Variants in BMPR2 observed in about 807,000 individuals in gnomAD.
BMPR2 encodes the protein bone morphogenetic protein receptor type-2.
Under a neutral mutation model 100.8 loss-of-function variants are expected in BMPR2, and 29 were observed. That is an observed-to-expected ratio of 0.29 (90% CI 0.21 to 0.39). The LOEUF (loss-of-function observed/expected upper bound fraction) is 0.39, where lower values mean the gene tolerates loss of function less well. BMPR2 is among the 10% of genes least tolerant of loss of function. The probability of loss-of-function intolerance (pLI) is 1.00; values close to 1 mark genes in which losing one functional copy is unlikely to be tolerated. For synonymous variants in BMPR2, 382 were observed against 442.3 expected, an observed-to-expected ratio of 0.86 and a Z score of 1.71; for missense variants, 1,011 against 1,274.5, an observed-to-expected ratio of 0.79 and a Z score of 3.15.
intron 1 of BMPR2, among the ~76,000 whole-genome samples, chr2:202,402,375 G>A (rs993458900): frequency 6.6e-6 from 1 of 151,996 alleles, no homozygotes; most frequent in South Asian, 2.1e-4. Context: ...AAAGTTAGCC[G>A]GGTGTGGTGG....
intron 3 of BMPR2, among the ~76,000 whole-genome samples, chr2:202,507,382 G>A (rs965746667): frequency 1.3e-5 from 2 of 152,108 alleles, no homozygotes; most frequent in African/African-American, 4.8e-5. Context: ...AAGCAGAAGT[G>A]GGAGTCACTT....
intron 1 of BMPR2, among the ~76,000 whole-genome samples, chr2:202,461,184 C>T (rs1233816339): frequency 1.3e-5 from 2 of 151,568 alleles, no homozygotes; most frequent in African/African-American, 4.8e-5. Flanking sequence ...TTATCAAAAA[C>T]ACATATAATA....
rs1249226280 is a variant in BMPR2 at position 202,560,489 on chromosome 2, G to C, written c.*543G>C. 1 of 159,770 alleles carries C rather than the reference G, an allele frequency of 6.3e-6. No individual in the cohort carries two copies. Among genetic ancestry groups the C allele is most frequent in the East Asian group, 1.8e-4 (1 of 5,440 alleles). The allele number at this position is 159,770 out of a possible 1,614,324, so 9.9% of individuals were successfully genotyped here. A position where few individuals can be genotyped will look rare whatever the true frequency, so the allele number is the denominator to read the frequency against. The stretch of plus-strand genomic sequence containing the variant: ...TTATAGGCCACAAATAAGCTTTCTT[G>C]TAAGCTCTCTTCCTAACAGGGCACA... On this transcript the variant is annotated 3_prime_UTR_variant, in exon 13 of 13. Transcript: ENST00000374580.
In BMPR2 at chr2:202,552,787, G is replaced by A; in HGVS notation, c.1485G>A (p.Gln495=). ...ATGCAGAGGCTCGGCTTACTGCACAGTGTGCTGAGGAAAGGATGGCTGAAC... is the reference window on the plus strand; with the variant it reads ...ATGCAGAGGCTCGGCTTACTGCACAATGTGCTGAGGAAAGGATGGCTGAAC... ...DQDAEARLTA[Q]CAEERMAELM... The change falls in exon 11 of 13, where the codon CAG becomes CAA. Residue 495 remains glutamine (Q), a synonymous_variant. Coordinates refer to ENST00000374580, the MANE Select transcript of BMPR2 (RefSeq NM_001204.7). 1 of 1,614,150 alleles carries A rather than the reference G, an allele frequency of 6.2e-7. No homozygotes were observed. The highest frequency in any genetic ancestry group is 1.6e-4 in the Middle Eastern group (1 of 6,062).
At chr2:202,440,021 G>A (rs1254522251) in intron 1 of BMPR2, among the ~76,000 whole-genome samples, 2 of 150,490 alleles carry the variant, frequency 1.3e-5, no homozygotes, top group Middle Eastern at 3.4e-3. Flanking sequence ...ATGTTTCAGA[G>A]AGCAGCGGGT....
intron 3 of BMPR2, among the ~76,000 whole-genome samples, chr2:202,476,287 G>A (rs1692550548): frequency 6.6e-6 from 1 of 151,926 alleles, no homozygotes; most frequent in Non-Finnish European, 1.5e-5. Context: ...TGCCTTAACT[G>A]TGTCTCATTT....
chr2:202,452,568 A>G (rs960123583), intron 1 of BMPR2, among the ~76,000 whole-genome samples: 3 of 152,188 alleles, frequency 2.0e-5, no homozygotes, highest in African/African-American at 7.2e-5. Flanking sequence ...GGATCACTTG[A>G]GCCCAGGAGT....
Position 202,538,261 on chromosome 2 carries a change from C to T in BMPR2, c.1277-4050C>T, listed in dbSNP as rs1256263464. Among the ~76,000 whole-genome samples the T allele has an allele frequency of 7.2e-5, 11 of 151,770 alleles. No homozygotes were observed. The East Asian group carries it at 1.7e-3, about 24-fold the overall frequency. ...TTGAGGTCAGGAGTTCGAAACCAGC[C>T]GGGCCAACATGGTGAAAGCCTATCT... is the stretch of plus-strand genomic sequence containing the variant. On this transcript the variant is annotated intron_variant, in intron 9 of 12. Transcript: ENST00000374580.
intron 1 of BMPR2, among the ~76,000 whole-genome samples, chr2:202,388,905 C>T (rs1355368421): frequency 6.6e-6 from 1 of 151,804 alleles, no homozygotes; most frequent in Non-Finnish European, 1.5e-5. Context: ...AATTCAGTAA[C>T]TGACATTCTT....
intron 4 of BMPR2, 62 bp from the exon 5 acceptor site, chr2:202,514,826 G>A: frequency 2.3e-6 from 3 of 1,305,136 alleles, no homozygotes; most frequent in Non-Finnish European, 3.3e-6. Context: ...ATTATAAAAA[G>A]TGTAAAAAGA....
chr2:202,381,538 A>C (rs999433049), intron 1 of BMPR2, among the ~76,000 whole-genome samples: 1 of 152,200 alleles, frequency 6.6e-6, no homozygotes, highest in African/African-American at 2.4e-5. Context: ...TCATATGGCT[A>C]GGCTAAGCTC....
intron 1 of BMPR2, among the ~76,000 whole-genome samples, chr2:202,423,641 G>T (rs1046405243): frequency 6.6e-6 from 1 of 152,176 alleles, no homozygotes; most frequent in East Asian, 1.9e-4. Context: ...TGTGGTCCCA[G>T]CTACTCAGGA....
At chr2:202,531,047 A>C in intron 8 of BMPR2, 93 bp downstream of exon 8, 1 of 1,478,524 alleles carries the variant, frequency 6.8e-7, no homozygotes, top group Non-Finnish European at 9.3e-7. Flanking sequence ...TCACGCCTGT[A>C]ATCCCAGCAC....
In BMPR2 at chr2:202,460,887, A is replaced by G. The variant is rs771461128; in HGVS notation, c.77-3922A>G. On this transcript the variant is annotated intron_variant, in intron 1 of 12. Coordinates refer to ENST00000374580, the MANE Select transcript of BMPR2 (RefSeq NM_001204.7). ...CCAGGATAGGCTACAGTATTGCCCT[A>G]GTAACCCAGACTCTAGGGTGCAGTG... Among the ~76,000 whole-genome samples the G allele has an allele frequency of 8.6e-4, 129 of 149,848 alleles. 2 individuals are homozygous for G. The highest frequency in any genetic ancestry group is 1.7e-3 in the Non-Finnish European group (112 of 67,772).
At chr2:202,406,500 A>C (rs1690894491) in intron 1 of BMPR2, among the ~76,000 whole-genome samples, 1 of 152,264 alleles carries the variant, frequency 6.6e-6, no homozygotes, top group Admixed American at 6.5e-5. Context: ...TTTAAGGCCC[A>C]GGCCATAACA....
intron 2 of BMPR2, 25 bp from the exon 3 acceptor site, chr2:202,467,494 T>G (rs771930100): frequency 1.3e-6 from 2 of 1,529,784 alleles, no homozygotes; most frequent in Non-Finnish European, 1.8e-6. Context: ...ATTGTCTCCT[T>G]TTTTGTATTC....
chr2:202,548,943 T>C (rs1276782651), intron 10 of BMPR2, among the ~76,000 whole-genome samples: 1 of 152,164 alleles, frequency 6.6e-6, no homozygotes, highest in Non-Finnish European at 1.5e-5. Flanking sequence ...TTGATATATG[T>C]ATACACCCAT....
At chr2:202,419,889 C>T (rs1691223077) in intron 1 of BMPR2, among the ~76,000 whole-genome samples, 1 of 152,124 alleles carries the variant, frequency 6.6e-6, no homozygotes, top group Non-Finnish European at 1.5e-5. Flanking sequence ...CGATTCATGC[C>T]TGTAATACGC....
At chr2:202,534,613 A>T (rs551457896) in intron 9 of BMPR2, among the ~76,000 whole-genome samples, 1 of 152,318 alleles carries the variant, frequency 6.6e-6, no homozygotes, top group South Asian at 2.1e-4. Flanking sequence ...AAGGCAGAAG[A>T]AGTTTTCTTA....
Sources: allele counts gnomAD v4.1 joint callset (sites outside exome capture counted in the v4.1 genomes callset), GRCh38; gene constraint gnomAD v4.1.1; transcripts MANE v1.5; gene names NCBI Gene and HGNC (gene_info 2026-07-23, HGNC 2026-07-21).